Variants in SERPINI1 observed in about 807,000 individuals in gnomAD.
SERPINI1 encodes neuroserpin.
A neutral mutation model predicts 41.1 loss-of-function variants in SERPINI1; 19 were observed. The ratio of observed to expected loss-of-function variants is 0.46; its 90% CI spans 0.32 to 0.68. The LOEUF (loss-of-function observed/expected upper bound fraction) is 0.68, where lower values mean the gene tolerates loss of function less well. SERPINI1 is among the 30% of genes least tolerant of loss of function. The pLI is 0.03. For synonymous variants in SERPINI1, 138 were observed against 156.6 expected (o/e 0.88, Z 0.89); for missense variants, 460 against 479.2 (o/e 0.96, Z 0.37).
At chr3:167,742,343 A>T (rs935839512) in intron 1 of SERPINI1, among the ~76,000 whole-genome samples, 5 of 152,236 alleles carry the variant, frequency 3.3e-5, no homozygotes, top group African/African-American at 4.8e-5. Context: ...ATGCACAATG[A>T]GATAAAACAA....
In SERPINI1 at chr3:167,784,394, C is replaced by T. The variant is rs776432888; in HGVS notation, c.-18-4717C>T. On this transcript the variant is annotated intron_variant, in intron 1 of 8. Coordinates refer to ENST00000446050, the MANE Select transcript of SERPINI1 (RefSeq NM_001122752.2). ...TATAAATTTTGATAACCTCATGGAA[C>T]CTCTATCAGTCTTGGCTGAATGAAT... is the stretch of plus-strand genomic sequence containing the variant. Among the ~76,000 whole-genome samples, 5 of 152,122 alleles carry T rather than the reference C, an allele frequency of 3.3e-5. No individual in the cohort carries two copies. In the South Asian group the frequency reaches 1.0e-3, roughly 32 times the overall value.
chr3:167,799,529 A>G (rs1727834232), intron 5 of SERPINI1, among the ~76,000 whole-genome samples: 1 of 152,202 alleles, frequency 6.6e-6, no homozygotes, highest in Non-Finnish European at 1.5e-5. Context: ...TTATAGTAGA[A>G]TGATTTATAA....
chr3:167,772,864 C>CTCTCTCTCTCTCTCTCTA (rs1374013676), intron 1 of SERPINI1, among the ~76,000 whole-genome samples: 6 of 24,664 alleles, frequency 2.4e-4, no homozygotes, highest in Admixed American at 1.3e-3. Context: ...CTCTCTCTCT[C>CTCTCTCTCTCTCTCTCTA]TATATATATA....
chr3:167,823,540 T>A (rs1337431695), intron 7 of SERPINI1, among the ~76,000 whole-genome samples: 1 of 152,232 alleles, frequency 6.6e-6, no homozygotes, highest in South Asian at 2.1e-4. Context: ...ATGTAATGCA[T>A]AATAATGACA....
chr3:167,785,102 G>A (rs536035834), intron 1 of SERPINI1, among the ~76,000 whole-genome samples: 72 of 152,188 alleles, frequency 4.7e-4, no homozygotes, highest in East Asian at 4.1e-3. Flanking sequence ...TTAGCTGGGC[G>A]TGGTGGCATG....
chr3:167,775,225 T>TTTATTA (rs558261774), intron 1 of SERPINI1, among the ~76,000 whole-genome samples: 3,904 of 134,244 alleles, frequency 0.029, 74 homozygotes, highest in East Asian at 0.05. Context: ...GAAGTGTCAC[T>TTTATTA]TTATTATTAT....
In SERPINI1 at chr3:167,757,610, A is replaced by G. The variant is rs144804484; in HGVS notation, c.-19+21787A>G. Reference sequence around the variant, plus strand: ...TGTTGGCCTCTGTATATTCAAATGAACCAGGGATATAAATGTTCCTAACTG... The same window carrying G: ...TGTTGGCCTCTGTATATTCAAATGAGCCAGGGATATAAATGTTCCTAACTG... On this transcript the variant is annotated intron_variant, in intron 1 of 8. Coordinates refer to ENST00000446050, the MANE Select transcript of SERPINI1 (RefSeq NM_001122752.2). Among the ~76,000 whole-genome samples, 1,023 of 152,194 alleles carry G rather than the reference A, an allele frequency of 6.7e-3. 17 individuals are homozygous for G. Among genetic ancestry groups the G allele is most frequent in the African/African-American group, 0.024 (991 of 41,530 alleles).
intron 6 of SERPINI1, among the ~76,000 whole-genome samples, chr3:167,815,615 C>T (rs1453554162): frequency 6.6e-6 from 1 of 152,108 alleles, no homozygotes; most frequent in Non-Finnish European, 1.5e-5. Flanking sequence ...CTCTTGAACT[C>T]CTAACCTCAA....
At chr3:167,786,238 C>T (rs1560007560) in intron 1 of SERPINI1, among the ~76,000 whole-genome samples, 1 of 152,120 alleles carries the variant, frequency 6.6e-6, no homozygotes, top group Non-Finnish European at 1.5e-5. Flanking sequence ...TGTGGTGGCT[C>T]ACGCCTGTAA....
intron 1 of SERPINI1, among the ~76,000 whole-genome samples, chr3:167,786,507 CAAAAAAAA>C (rs71176662): frequency 5.3e-5 from 4 of 75,202 alleles, no homozygotes; most frequent in Non-Finnish European, 1.0e-4. Context: ...GACTCCGTCT[CAAAAAAAA>C]AAAAAAAAAA....
chr3:167,803,343 A>G (rs946323487), intron 5 of SERPINI1, among the ~76,000 whole-genome samples: 2 of 152,050 alleles, frequency 1.3e-5, no homozygotes, highest in East Asian at 3.8e-4. Flanking sequence ...TTTACAGTTA[A>G]GGTGGCAGGG....
At chr3:167,755,794 A>ATTTTTTTTTT (rs34182780) in intron 1 of SERPINI1, among the ~76,000 whole-genome samples, 1 of 119,222 alleles carries the variant, frequency 8.4e-6, no homozygotes. Flanking sequence ...GGTGTTGCTG[A>ATTTTTTTTTT]TTTTTTTTTT....
At position 167,759,400 on chromosome 3, in the gene SERPINI1, G is replaced by GTATATACATATATATATATATA. The variant is rs1553771739; in HGVS notation, c.-19+23583_-19+23584insCATATATATATATATATATATA. 3.0e-3 allele frequency among the ~76,000 whole-genome samples: 367 copies of GTATATACATATATATATATATA among 121,136 alleles called. 7 individuals are homozygous for GTATATACATATATATATATATA. Among genetic ancestry groups the GTATATACATATATATATATATA allele is most frequent in the Non-Finnish European group, 4.8e-3 (268 of 55,850 alleles). The allele number at this position is 121,136 out of a possible 152,430, so 79.5% of individuals were successfully genotyped here. ...ATCAACATTGGATAAAGAAAATGTG[G>GTATATACATATATATATATATA]TATATATATATATATATATATGCGC... On this transcript the variant is annotated intron_variant, in intron 1 of 8. Coordinates refer to ENST00000446050, the MANE Select transcript of SERPINI1 (RefSeq NM_001122752.2).
At chr3:167,806,209 A>G (rs1711630201) in intron 5 of SERPINI1, among the ~76,000 whole-genome samples, 1 of 152,132 alleles carries the variant, frequency 6.6e-6, no homozygotes, top group Non-Finnish European at 1.5e-5. Context: ...ATCCTCAGCA[A>G]ACTAACACAG....
chr3:167,807,536 C>T (rs1711690832), intron 6 of SERPINI1, among the ~76,000 whole-genome samples, 195 bp downstream of exon 6: 1 of 152,120 alleles, frequency 6.6e-6, no homozygotes, highest in South Asian at 2.1e-4. Context: ...TTTATATTAT[C>T]TAGTTCGTAT....
intron 1 of SERPINI1, among the ~76,000 whole-genome samples, chr3:167,737,538 A>G (rs996969433): frequency 2.6e-5 from 4 of 151,994 alleles, no homozygotes; most frequent in Non-Finnish European, 4.4e-5. Context: ...TGCCCTTGTT[A>G]TTTGTGATTA....
rs1277553585 is a variant in SERPINI1 at position 167,821,868 on chromosome 3, CA to C, written c.980-1114del. Among the ~76,000 whole-genome samples the C allele has an allele frequency of 2.6e-5, 4 of 152,162 alleles. No individual in the cohort carries two copies. In the East Asian group the frequency reaches 7.7e-4, roughly 29 times the overall value. On this transcript the variant is annotated intron_variant, in intron 6 of 8. Transcript: ENST00000446050. ...CATCATTATGGAGGCTTTGGATGCTCAAAATCTTCAGGTAGAGACCTGGAAA... is the reference window on the plus strand; with the variant it reads ...CATCATTATGGAGGCTTTGGATGCTCAAATCTTCAGGTAGAGACCTGGAAA...
At chr3:167,798,993 G>GT (rs1727804643) in intron 5 of SERPINI1, among the ~76,000 whole-genome samples, 1 of 151,904 alleles carries the variant, frequency 6.6e-6, no homozygotes, top group Non-Finnish European at 1.5e-5. Flanking sequence ...AAAATAAAAG[G>GT]TTTTTTTAGC....
At chr3:167,771,321 A>G (rs1462214260) in intron 1 of SERPINI1, among the ~76,000 whole-genome samples, 3 of 148,106 alleles carry the variant, frequency 2.0e-5, no homozygotes, top group Non-Finnish European at 3.0e-5. Flanking sequence ...TGTTATAAAG[A>G]TGATTTTTTT....
Sources: allele counts gnomAD v4.1 joint callset (sites outside exome capture counted in the v4.1 genomes callset), GRCh38; gene constraint gnomAD v4.1.1; transcripts MANE v1.5; gene names NCBI Gene and HGNC (gene_info 2026-07-23, HGNC 2026-07-21).